ANK2: variants seen among roughly 807,000 people sequenced by gnomAD.
The protein encoded by ANK2 is ankyrin 2.
In ANK2, 83 loss-of-function variants were observed where a neutral mutation model predicts 360.5. That is an observed-to-expected ratio of 0.23 (90% CI 0.19 to 0.28). The LOEUF is 0.28. Ranked by LOEUF, ANK2 falls within the 10% of genes least tolerant of loss-of-function variation. The pLI, the probability that ANK2 is intolerant of heterozygous loss-of-function variation, is 1.00. For synonymous variants in ANK2, 1,740 were observed against 1,759.5 expected, an observed-to-expected ratio of 0.99 and a Z score of 0.28; for missense variants, 4,201 against 4,795.7, an observed-to-expected ratio of 0.88 and a Z score of 3.66.
In ANK2 at chr4:113,214,741, A is replaced by G. The variant is rs545307374; in HGVS notation, c.384+15632A>G. Among the ~76,000 whole-genome samples the G allele has an allele frequency of 2.0e-5, 3 of 152,298 alleles. No homozygotes were observed. The South Asian group carries it at 6.2e-4, about 32-fold the overall frequency. On this transcript the variant is annotated intron_variant, in intron 4 of 45. Transcript: ENST00000357077. ...AGACTCGTGAGGCAAAGGTCAAGGC[A>G]TCAGAGGGTGCTTGCATGACTAACT...
At chr4:113,083,394 C>G (rs1042554206) in intron 1 of ANK2, among the ~76,000 whole-genome samples, 1 of 152,102 alleles carries the variant, frequency 6.6e-6, no homozygotes, top group African/African-American at 2.4e-5. Flanking sequence ...ATGTTGGTCT[C>G]AAACTTTTGG....
chr4:112,991,619 C>CTTTTTTTTTTTTT (rs35505334), intron 2 of ANK2, among the ~76,000 whole-genome samples: 4 of 125,856 alleles, frequency 3.2e-5, no homozygotes, highest in Admixed American at 8.7e-5. Context: ...TTCTTTCTTT[C>CTTTTTTTTTTTTT]TTTTTTTTTT....
chr4:112,793,372 T>G, the ANK2 span, among the ~76,000 whole-genome samples: 6 of 152,114 alleles, frequency 3.9e-5, no homozygotes, highest in Non-Finnish European at 8.8e-5. Context: ...ATTAGTTATA[T>G]GAAAGACCAG....
chr4:112,903,846 GT>G (rs1408582794), intron 1 of ANK2, among the ~76,000 whole-genome samples: 1 of 152,128 alleles, frequency 6.6e-6, no homozygotes, highest in African/African-American at 2.4e-5. Flanking sequence ...ACTTTATGAT[GT>G]TTAGTTTTTC....
At chr4:113,340,685 G>A (rs1261824148) in intron 32 of ANK2, among the ~76,000 whole-genome samples, 4 of 150,444 alleles carry the variant, frequency 2.7e-5, no homozygotes, top group African/African-American at 9.8e-5. Context: ...CGACAGAGAC[G>A]TTGTCTCAAA....
intron 24 of ANK2, among the ~76,000 whole-genome samples, chr4:113,314,089 A>G (rs770556724): frequency 6.6e-6 from 1 of 152,238 alleles, no homozygotes; most frequent in Non-Finnish European, 1.5e-5. Context: ...ATGCATAGAT[A>G]TGGAAGAATA....
At chr4:113,205,010 C>G (rs1584805690) in intron 4 of ANK2, among the ~76,000 whole-genome samples, 1 of 151,908 alleles carries the variant, frequency 6.6e-6, no homozygotes, top group Admixed American at 6.6e-5. Flanking sequence ...CCGAGACGGG[C>G]GGATCACGAG....
At chr4:113,282,148 A>G (rs536742770) in intron 17 of ANK2, among the ~76,000 whole-genome samples, 1 of 152,336 alleles carries the variant, frequency 6.6e-6, no homozygotes, top group South Asian at 2.1e-4. Flanking sequence ...TTTATGTTAT[A>G]ACCATATGTG....
chr4:113,072,941 C>G (rs981616012), intron 1 of ANK2, among the ~76,000 whole-genome samples: 2 of 134,454 alleles, frequency 1.5e-5, no homozygotes, highest in Non-Finnish European at 3.1e-5. Context: ...GACTCTGTCA[C>G]AAGGACAGTG....
intron 2 of ANK2, among the ~76,000 whole-genome samples, chr4:112,948,268 C>T (rs2094690485): frequency 6.6e-6 from 1 of 152,188 alleles, no homozygotes; most frequent in African/African-American, 2.4e-5. Flanking sequence ...AAAAAAACAG[C>T]ACTTTGGAGA....
chr4:112,774,203 G>T, the ANK2 span, among the ~76,000 whole-genome samples: 1 of 151,596 alleles, frequency 6.6e-6, no homozygotes, highest in South Asian at 2.1e-4. Flanking sequence ...CTTAAGGAAG[G>T]ATCTTCTATC....
chr4:113,043,052 C>A (rs1251948590), intron 2 of ANK2, among the ~76,000 whole-genome samples: 4 of 152,014 alleles, frequency 2.6e-5, no homozygotes, highest in Non-Finnish European at 5.9e-5. Flanking sequence ...TGGGGTCCAG[C>A]ATATAGTAGT....
Position 113,355,853 on chromosome 4 carries a change from C to T in ANK2, c.7235C>T (p.Ala2412Val). Residue 2412 changes from alanine to valine, a missense_variant, in exon 38 of 46, where the codon GCA (alanine) becomes GTA (valine). By Grantham distance (64) the Ala-to-Val change is moderately conservative. Around this residue, in one of 4 missense-constraint regions of ANK2, gnomAD observed 2,642 missense variants for 2,714.5 expected, o/e 0.97. Transcript: ENST00000357077. Reference sequence around the variant, plus strand: ...AGAAGTCCCCAAGGGTTAGAACTTGCACTCCCTAGCCGAGATAGCGAAGTC... The same window carrying T: ...AGAAGTCCCCAAGGGTTAGAACTTGTACTCCCTAGCCGAGATAGCGAAGTC... ...VIRSPQGLELALPSRDSEVLS... is the reference protein window; with the variant it reads ...VIRSPQGLELVLPSRDSEVLS... 1 of 1,614,070 alleles carries T rather than the reference C, an allele frequency of 6.2e-7. No homozygotes were observed. Among genetic ancestry groups the T allele is most frequent in the Non-Finnish European group, 8.5e-7 (1 of 1,179,968 alleles).
At chr4:113,149,656 C>T (rs2096963200) in intron 1 of ANK2, among the ~76,000 whole-genome samples, 1 of 151,864 alleles carries the variant, frequency 6.6e-6, no homozygotes, top group African/African-American at 2.4e-5. Flanking sequence ...AGGCAGATCA[C>T]TGGAGCCCAG....
At chr4:113,317,490 CT>C (rs2153835943) in intron 24 of ANK2, 1 of 594,598 alleles carries the variant, frequency 1.7e-6, no homozygotes, top group East Asian at 3.0e-5. Context: ...TCTGGATTCC[CT>C]TGTGCTCTTG....
chr4:113,245,873 C>T (rs908773841), intron 9 of ANK2, among the ~76,000 whole-genome samples: 9 of 151,660 alleles, frequency 5.9e-5, no homozygotes, highest in African/African-American at 1.9e-4. Flanking sequence ...AGTGCGATCT[C>T]GGCTCACCGC....
intron 1 of ANK2, among the ~76,000 whole-genome samples, chr4:112,862,402 A>T (rs1170518125): frequency 1.3e-5 from 2 of 152,232 alleles, no homozygotes; most frequent in Admixed American, 6.5e-5. Context: ...TTGACATGTT[A>T]ATCTTCTGTG....
chr4:113,288,814 C>G (rs942541053), intron 20 of ANK2, among the ~76,000 whole-genome samples: 4 of 152,006 alleles, frequency 2.6e-5, no homozygotes, highest in Non-Finnish European at 5.9e-5. Flanking sequence ...GTGGCTTGGC[C>G]CCCCTCCCCT....
chr4:113,111,025 A>G (rs926907714), intron 1 of ANK2, among the ~76,000 whole-genome samples: 4 of 152,204 alleles, frequency 2.6e-5, no homozygotes, highest in Non-Finnish European at 5.9e-5. Flanking sequence ...GGTCTATAAA[A>G]AGTACAGAAT....
Sources: gnomAD v4.1 joint callset for allele counts (sites outside exome capture counted in the v4.1 genomes callset) on GRCh38, gnomAD v4.1.1 for gene constraint, gnomAD v4.1.1 regional missense constraint, MANE v1.5 for transcripts, NCBI Gene and HGNC (gene_info 2026-07-23, HGNC 2026-07-21) for gene names.